Variants in VPS53 observed in about 807,000 individuals in gnomAD.
VPS53 encodes the protein vacuolar protein sorting-associated protein 53 homolog.
VPS53 carries 70 observed loss-of-function variants against 107.0 expected under a neutral mutation model. The observed-to-expected ratio is 0.65, with a 90% confidence interval of 0.54 to 0.80. The LOEUF (loss-of-function observed/expected upper bound fraction) is 0.80, where lower values mean the gene tolerates loss of function less well. Among genes scored for constraint, VPS53 ranks in the 30% least tolerant of loss-of-function variants. VPS53 has a pLI of 0.00. For synonymous variants in VPS53, 409 were observed against 393.3 expected (o/e 1.04, Z -0.47); for missense variants, 917 against 1,049.4 (o/e 0.87, Z 1.74).
intron 12 of VPS53, chr17:600,791 C>T (rs938448084): frequency 6.6e-6 from 1 of 152,226 alleles, no homozygotes; most frequent in Non-Finnish European, 1.5e-5. Flanking sequence ...GCAGTTTCAT[C>T]ACCTATAAAG....
At chr17:538,772 T>C (rs988127759) in intron 17 of VPS53, 2 of 152,204 alleles carry the variant, frequency 1.3e-5, no homozygotes, top group Non-Finnish European at 2.9e-5. Flanking sequence ...AAAAGAACTC[T>C]AATTTATTAC....
intron 2 of VPS53, among the ~76,000 whole-genome samples, chr17:708,021 T>C (rs1050265773): frequency 3.9e-5 from 6 of 152,188 alleles, no homozygotes; most frequent in African/African-American, 1.4e-4. Context: ...TGTCTCCTGT[T>C]TCTGTGCCTT....
intron 19 of VPS53, among the ~76,000 whole-genome samples, chr17:528,818 C>T (rs772964178): frequency 2.6e-5 from 4 of 152,008 alleles, no homozygotes; most frequent in Non-Finnish European, 4.4e-5. Flanking sequence ...AGGCTGGTCT[C>T]GAACTCCTGA....
intron 13 of VPS53, among the ~76,000 whole-genome samples, chr17:571,754 G>T (rs548259076): frequency 2.0e-5 from 3 of 152,180 alleles, no homozygotes; most frequent in Admixed American, 6.5e-5. Flanking sequence ...TGTGTTGGCC[G>T]GGCTGGTCTC....
At chr17:625,658 C>T (rs1306949161) in intron 10 of VPS53, among the ~76,000 whole-genome samples, 2 of 152,162 alleles carry the variant, frequency 1.3e-5, no homozygotes, top group African/African-American at 4.8e-5. Flanking sequence ...GGGCCGGGAG[C>T]ACCTGGGAAC....
At position 657,430 on chromosome 17, in the gene VPS53, C is replaced by T. The variant is rs137928666; in HGVS notation, c.373-1477G>A. 4.4e-4 allele frequency: 400 copies of T among 904,964 alleles called. No homozygotes were observed. In the African/African-American group the frequency reaches 5.8e-3, roughly 13 times the overall value. 56.1% of individuals were successfully genotyped at this position (904,964 alleles called of 1,614,324 possible). A position where few individuals can be genotyped will look rare whatever the true frequency, so the allele number is the denominator to read the frequency against. ...AGGAAAATGATGAGGGGAAGACACT[C>T]TCTCAACTTGTGGGGACTGGTGGAC... On this transcript the variant is annotated intron_variant, in intron 5 of 21. Transcript: ENST00000437048.
intron 4 of VPS53, among the ~76,000 whole-genome samples, chr17:688,594 C>A (rs1292975684): frequency 6.6e-6 from 1 of 152,206 alleles, no homozygotes; most frequent in Non-Finnish European, 1.5e-5. Flanking sequence ...CCCGCCTCAA[C>A]TACAACCAGT....
chr17:548,561 AGCC>A (rs1214764915), intron 17 of VPS53, among the ~76,000 whole-genome samples: 2 of 116,748 alleles, frequency 1.7e-5, no homozygotes, highest in African/African-American at 7.0e-5. Flanking sequence ...CACTTTGGCC[AGCC>A]AACAGTCCTT....
chr17:603,157 G>A (rs1249865890), intron 11 of VPS53, among the ~76,000 whole-genome samples: 1 of 152,182 alleles, frequency 6.6e-6, no homozygotes, highest in Non-Finnish European at 1.5e-5. Context: ...GGGTGCAGTG[G>A]CTCACACCTG....
In VPS53 at chr17:652,623, G is replaced by A. The variant is rs149157091; in HGVS notation, c.608+668C>T. ...ACCAAGGAGCCAGCCATGAGAGTGA[G>A]CCAATGCATTCTCCAGTCCCCTCCT... is the stretch of plus-strand genomic sequence containing the variant. On this transcript the variant is annotated intron_variant, in intron 7 of 21. Transcript: ENST00000437048. Among the ~76,000 whole-genome samples the A allele has an allele frequency of 1.8e-3, 280 of 152,324 alleles. 1 individual carries two copies. Among genetic ancestry groups the A allele is most frequent in the African/African-American group, 6.4e-3 (268 of 41,580 alleles).
chr17:580,631 A>T (rs1396380594), intron 13 of VPS53, among the ~76,000 whole-genome samples: 5 of 151,180 alleles, frequency 3.3e-5, no homozygotes, highest in Non-Finnish European at 5.9e-5. Flanking sequence ...ATGTGTTCCC[A>T]GAGAACCTCC....
At chr17:560,690 A>G in intron 14 of VPS53, 117 bp from the exon 15 acceptor site, 2 of 1,178,548 alleles carry the variant, frequency 1.7e-6, no homozygotes, top group Non-Finnish European at 1.2e-6. Context: ...CATGGCCCAA[A>G]TCAATTCACA....
At chr17:662,515 C>T (rs1379523560) in intron 4 of VPS53, among the ~76,000 whole-genome samples, 1 of 151,858 alleles carries the variant, frequency 6.6e-6, no homozygotes, top group Non-Finnish European at 1.5e-5. Flanking sequence ...CGGTGAAACC[C>T]CATCTCTACT....
chr17:553,514 T>A, intron 15 of VPS53, 52 bp from the exon 16 acceptor site: 2 of 1,328,766 alleles, frequency 1.5e-6, no homozygotes, highest in Non-Finnish European at 2.2e-6. Flanking sequence ...TCCAAAGAAG[T>A]ACCATCACAA....
chr17:661,134 C>A lies in VPS53; in HGVS notation c.372+675G>T, dbSNP rs927946771. Among the ~76,000 whole-genome samples the A allele has an allele frequency of 9.2e-5, 14 of 152,062 alleles. No homozygotes were observed. The South Asian group carries it at 2.9e-3, about 32-fold the overall frequency. On this transcript the variant is annotated intron_variant, in intron 5 of 21. Transcript: ENST00000437048. ...AGCGTGCATCGAGCTACATACCGTA[C>A]ATCTCGATGGAGAAATGCATGATAC...
At chr17:559,462 C>T (rs1308468980) in intron 15 of VPS53, among the ~76,000 whole-genome samples, 1 of 152,190 alleles carries the variant, frequency 6.6e-6, no homozygotes, top group Non-Finnish European at 1.5e-5. Context: ...TGGGGCTAAA[C>T]GGACTGCTCT....
At chr17:622,825 A>G (rs1969526548) in intron 11 of VPS53, among the ~76,000 whole-genome samples, 1 of 151,518 alleles carries the variant, frequency 6.6e-6, no homozygotes, top group African/African-American at 2.4e-5. Context: ...TCAGCCTCCC[A>G]AGTGATTGGG....
In VPS53 at chr17:510,368, G is replaced by GAATCCTGGCTCA; in HGVS notation, c.*8759_*8760insTGAGCCAGGATT. 1 of 38,434 alleles carries GAATCCTGGCTCA rather than the reference G, an allele frequency of 2.6e-5. No individual in the cohort carries two copies. The highest frequency in any genetic ancestry group is 5.5e-4 in the African/African-American group (1 of 1,824). 2.4% of individuals were successfully genotyped at this position (38,434 alleles called of 1,614,324 possible). A position where few individuals can be genotyped will look rare whatever the true frequency, so the allele number is the denominator to read the frequency against. On this transcript the variant is annotated 3_prime_UTR_variant, in exon 22 of 22. Coordinates refer to ENST00000437048, the MANE Select transcript of VPS53 (RefSeq NM_001128159.3). ...CTAGTCACATATCGAATCCTGGCTC[G>GAATCCTGGCTCA]CCCCTCACTAGTCACATATCAAATC...
chr17:523,571 T>C (rs1298653664), intron 19 of VPS53: 2 of 152,176 alleles, frequency 1.3e-5, no homozygotes, highest in Non-Finnish European at 2.9e-5. Flanking sequence ...GTTATGGCAA[T>C]TGTAATTTTA....
Sources: allele counts gnomAD v4.1 joint callset (sites outside exome capture counted in the v4.1 genomes callset), GRCh38; gene constraint gnomAD v4.1.1; transcripts MANE v1.5; gene names NCBI Gene and HGNC (gene_info 2026-07-23, HGNC 2026-07-21).